The following STAT4 variants were observed in gnomAD, a reference collection of about 807,000 sequenced individuals.
STAT4 encodes signal transducer and activator of transcription 4.
STAT4 carries 42 observed loss-of-function variants against 110.5 expected under a neutral mutation model. The observed-to-expected ratio is 0.38, with a 90% confidence interval of 0.30 to 0.49. The LOEUF is 0.49. Ranked by LOEUF, STAT4 falls within the 20% of genes least tolerant of loss-of-function variation. The probability of loss-of-function intolerance (pLI) is 0.95; values close to 1 mark genes in which losing one functional copy is unlikely to be tolerated. For missense variants in STAT4, 632 were observed against 887.9 expected (o/e 0.71, Z 3.66); for synonymous variants, 284 against 302.2 (o/e 0.94, Z 0.63).
At chr2:191,048,947 G>A (rs1225046270) in intron 14 of STAT4, among the ~76,000 whole-genome samples, 1 of 151,370 alleles carries the variant, frequency 6.6e-6, no homozygotes, top group African/African-American at 2.4e-5. Context: ...TATAATAGCT[G>A]GATTGACTGT....
intron 3 of STAT4, among the ~76,000 whole-genome samples, chr2:191,106,203 C>T (rs577576764): frequency 5.9e-5 from 9 of 152,260 alleles, no homozygotes; most frequent in East Asian, 1.9e-4. Context: ...AGAATACAGA[C>T]GTTACAAAAG....
Position 191,143,337 on chromosome 2 carries a change from C to A in STAT4, c.273+3276G>T, listed in dbSNP as rs1699382609. On this transcript the variant is annotated intron_variant, in intron 3 of 23. Transcript: ENST00000392320. This position sits in a 1 kb window ranked among gnomAD's most constrained non-coding sequence, Gnocchi z 5.6. ...AGTACCAGTGTGATTGCCCCTTACACTGCTGAGGAAACTGAGGCCAGAGTG... is the reference window on the plus strand; with the variant it reads ...AGTACCAGTGTGATTGCCCCTTACAATGCTGAGGAAACTGAGGCCAGAGTG... Among the ~76,000 whole-genome samples, 1 of 152,196 alleles carries A rather than the reference C, an allele frequency of 6.6e-6. No individual in the cohort carries two copies. Among genetic ancestry groups the A allele is most frequent in the Non-Finnish European group, 1.5e-5 (1 of 68,038 alleles).
chr2:191,045,049 G>A (rs1259984362), intron 14 of STAT4, among the ~76,000 whole-genome samples: 1 of 152,042 alleles, frequency 6.6e-6, no homozygotes, highest in East Asian at 1.9e-4. Flanking sequence ...TTGTGAAGAT[G>A]GGGCAGAATT....
chr2:191,036,890 A>G (rs890264989), intron 16 of STAT4, among the ~76,000 whole-genome samples: 1 of 152,186 alleles, frequency 6.6e-6, no homozygotes, highest in African/African-American at 2.4e-5. Context: ...TCTTTTGGCC[A>G]ACCTAAGTAA....
chr2:191,039,369 G>T lies in STAT4; in HGVS notation c.1336-72C>A, dbSNP rs549488539. On this transcript the variant is annotated intron_variant, in intron 15 of 23. Coordinates refer to ENST00000392320, the MANE Select transcript of STAT4 (RefSeq NM_003151.4). The surrounding 1 kb of genome is among the most constrained non-coding windows in gnomAD (Gnocchi z 4.7). ...TACATTGATCTTATGCTTGACCCTC[G>T]CCTCTAAAGGGCCAATCTCAAGCCA... is the stretch of plus-strand genomic sequence containing the variant. 8 of 1,361,128 alleles carry T rather than the reference G, an allele frequency of 5.9e-6. No individual in the cohort carries two copies. Among genetic ancestry groups the T allele is most frequent in the Non-Finnish European group, 8.4e-6 (8 of 953,136 alleles). 84.3% of individuals were successfully genotyped at this position (1,361,128 alleles called of 1,614,324 possible).
chr2:191,054,387 G>T, intron 14 of STAT4, 103 bp downstream of exon 14: 1 of 959,014 alleles, frequency 1.0e-6, no homozygotes, highest in Non-Finnish European at 1.6e-6. Context: ...AGAAAAACAT[G>T]AATTTGATTT....
At chr2:191,075,216 T>C (rs1574132046) in intron 4 of STAT4, among the ~76,000 whole-genome samples, 1 of 152,096 alleles carries the variant, frequency 6.6e-6, no homozygotes, top group African/African-American at 2.4e-5. Flanking sequence ...TATAATGGTA[T>C]GATTTATTGA....
chr2:191,097,195 C>G, intron 3 of STAT4, among the ~76,000 whole-genome samples: 1 of 152,152 alleles, frequency 6.6e-6, no homozygotes, highest in East Asian at 1.9e-4. Flanking sequence ...GCCATACTGC[C>G]CAATATAATT....
rs573065284 is a variant in STAT4, at chr2:191,091,974, T to C, written c.274-15649A>G. Among the ~76,000 whole-genome samples, 2 of 152,300 alleles carry C rather than the reference T, an allele frequency of 1.3e-5. No homozygotes were observed. Among genetic ancestry groups the C allele is most frequent in the African/African-American group, 4.8e-5 (2 of 41,546 alleles). On this transcript the variant is annotated intron_variant, in intron 3 of 23. Coordinates refer to ENST00000392320, the MANE Select transcript of STAT4 (RefSeq NM_003151.4). This position sits in a 1 kb window ranked among gnomAD's most constrained non-coding sequence, Gnocchi z 5.4. ...AGATTAGCAGAGCATAATAGAGAGT[T>C]GTGGAATAAAATATTAAATAAGAAA...
chr2:191,075,394 G>C (rs1197964913), intron 4 of STAT4, among the ~76,000 whole-genome samples: 1 of 152,106 alleles, frequency 6.6e-6, no homozygotes, highest in African/African-American at 2.4e-5. Context: ...AACTATGTTA[G>C]AGTAAAGTAC....
intron 3 of STAT4, among the ~76,000 whole-genome samples, chr2:191,081,050 T>G (rs182120001): frequency 3.3e-5 from 5 of 152,278 alleles, no homozygotes. Flanking sequence ...GTCCATATAT[T>G]CTCATTGTTC....
chr2:191,103,786 T>C (rs1698206987), intron 3 of STAT4, among the ~76,000 whole-genome samples: 1 of 152,182 alleles, frequency 6.6e-6, no homozygotes, highest in African/African-American at 2.4e-5. Context: ...ATATTTCCCT[T>C]TTTCATATTA....
chr2:191,104,684 T>C lies in STAT4; in HGVS notation c.274-28359A>G, dbSNP rs1248681686. ...CATAAAACACTCCTCCCCATATGATTTGAAAGGATATATATTGTCAAAGAA... is the reference window on the plus strand; with the variant it reads ...CATAAAACACTCCTCCCCATATGATCTGAAAGGATATATATTGTCAAAGAA... On this transcript the variant is annotated intron_variant, in intron 3 of 23. Transcript: ENST00000392320. The surrounding 1 kb of genome is among the most constrained non-coding windows in gnomAD (Gnocchi z 4.3). Among the ~76,000 whole-genome samples the C allele has an allele frequency of 6.6e-6, 1 of 152,208 alleles. No homozygotes were observed. Among genetic ancestry groups the C allele is most frequent in the African/African-American group, 2.4e-5 (1 of 41,448 alleles).
Position 191,117,521 on chromosome 2 carries a change from TTAAG to T in STAT4, c.273+29088_273+29091del, listed in dbSNP as rs1559074351. On this transcript the variant is annotated intron_variant, in intron 3 of 23. Transcript: ENST00000392320. This position sits in a 1 kb window ranked among gnomAD's most constrained non-coding sequence, Gnocchi z 5.2. ...TATCTAAAGTAATTGCAGCATGTGA[TTAAG>T]TGTCAGGATGAGTTGTTTGGACACT... Among the ~76,000 whole-genome samples, 1 of 152,194 alleles carries T rather than the reference TTAAG, an allele frequency of 6.6e-6. No homozygotes were observed. The highest frequency in any genetic ancestry group is 2.4e-5 in the African/African-American group (1 of 41,456).
chr2:191,061,663 G>T lies in STAT4; in HGVS notation c.1034+66C>A. 7.2e-7 allele frequency: 1 copy of T among 1,393,840 alleles called. No individual in the cohort carries two copies. The highest frequency in any genetic ancestry group is 1.0e-6 in the Non-Finnish European group (1 of 980,190). The allele number at this position is 1,393,840 out of a possible 1,614,324, so 86.3% of individuals were successfully genotyped here. ...AATGCAAGCCACAATGAGAGAAATT[G>T]GCCTTGATCATCCAGAGACTATAGC... is the stretch of plus-strand genomic sequence containing the variant. On this transcript the variant is annotated intron_variant, in intron 10 of 23. Coordinates refer to ENST00000392320, the MANE Select transcript of STAT4 (RefSeq NM_003151.4). This position sits in a 1 kb window ranked among gnomAD's most constrained non-coding sequence, Gnocchi z 6.2.
intron 3 of STAT4, among the ~76,000 whole-genome samples, chr2:191,087,138 T>C (rs1417602678): frequency 2.0e-5 from 3 of 152,156 alleles, no homozygotes; most frequent in Non-Finnish European, 4.4e-5. Context: ...ACACAACTGT[T>C]TAACTGAATT....
chr2:191,048,564 TCAGGAGTTCAAGAC>T (rs1265580961), intron 14 of STAT4, among the ~76,000 whole-genome samples: 2 of 150,104 alleles, frequency 1.3e-5, no homozygotes, highest in Non-Finnish European at 3.0e-5. Flanking sequence ...TCATCTGAGG[TCAGGAGTTCAAGAC>T]CAGCCTGGCC....
rs1695878513 is a variant in STAT4, at chr2:191,031,071, A to C, written c.2121T>G (p.Asp707Glu). The change falls in exon 23 of 24, where the codon GAT (aspartate) becomes GAG (glutamate). Residue 707 changes from aspartate to glutamate, a missense_variant. Asp to Glu is a conservative substitution (Grantham distance 45). Around this residue, in one of 4 missense-constraint regions of STAT4, gnomAD observed 32 missense variants for 67.6 expected, o/e 0.47. Transcript: ENST00000392320. The surrounding 1 kb of genome is among the most constrained non-coding windows in gnomAD (Gnocchi z 4.8). ...CTGATGGAGAATGTGGCTCTGTTGA[A>C]TCACTTCGGCTTAAAGAGATAACAA... ...VFIPISTIRS[D>E]STEPHSPSDL... 6.2e-7 allele frequency: 1 copy of C among 1,613,858 alleles called. No homozygotes were observed. Among genetic ancestry groups the C allele is most frequent in the African/African-American group, 1.3e-5 (1 of 74,932 alleles).
chr2:191,039,428 C>T lies in STAT4; in HGVS notation c.1336-131G>A. The T allele has an allele frequency of 1.4e-6, 1 of 711,140 alleles. No homozygotes were observed. The highest frequency in any genetic ancestry group is 2.5e-6 in the Non-Finnish European group (1 of 401,008). The allele number at this position is 711,140 out of a possible 1,614,324, so 44.1% of individuals were successfully genotyped here. On this transcript the variant is annotated intron_variant, in intron 15 of 23. Transcript: ENST00000392320. This position sits in a 1 kb window ranked among gnomAD's most constrained non-coding sequence, Gnocchi z 4.7. ...CCTCCAGTCCTGATGTCCATGGTGC[C>T]CTGGTCACTGAAATGACTTGTGAAG...
Sources: allele counts gnomAD v4.1 joint callset (sites outside exome capture counted in the v4.1 genomes callset), GRCh38; gene constraint gnomAD v4.1.1; regional missense constraint gnomAD v4.1.1; non-coding constraint Gnocchi (gnomAD v3.1); transcripts MANE v1.5; gene names NCBI Gene and HGNC (gene_info 2026-07-23, HGNC 2026-07-21).